PTPRD: variants seen among roughly 807,000 people sequenced by gnomAD.
PTPRD encodes the protein protein tyrosine phosphatase receptor type D, also known as receptor-type tyrosine-protein phosphatase delta.
A neutral mutation model predicts 214.5 loss-of-function variants in PTPRD; 34 were observed. The ratio of observed to expected loss-of-function variants is 0.16; its 90% CI spans 0.12 to 0.21. The LOEUF is 0.21. Among genes scored for constraint, PTPRD ranks in the 10% least tolerant of loss-of-function variants. The pLI, the probability that PTPRD is intolerant of heterozygous loss-of-function variation, is 1.00. For synonymous variants in PTPRD, 1,128 were observed against 845.7 expected (o/e 1.33, Z -5.79); for missense variants, 2,545 against 2,398.7 (o/e 1.06, Z -1.27).
intron 10 of PTPRD, among the ~76,000 whole-genome samples, chr9:9,073,412 T>C (rs924664495): frequency 6.6e-6 from 1 of 152,184 alleles, no homozygotes; most frequent in Non-Finnish European, 1.5e-5. Flanking sequence ...TCAATATGGC[T>C]AGATCATGGT....
At chr9:9,073,453 A>C (rs369685510) in intron 10 of PTPRD, among the ~76,000 whole-genome samples, 3 of 152,184 alleles carry the variant, frequency 2.0e-5, no homozygotes, top group East Asian at 1.9e-4. Flanking sequence ...ACTTGTGTAG[A>C]TGTTACTCTA....
chr9:8,734,420 G>A (rs970533395), intron 11 of PTPRD, among the ~76,000 whole-genome samples: 23 of 152,330 alleles, frequency 1.5e-4, no homozygotes, highest in African/African-American at 5.3e-4. Flanking sequence ...TGAAATGACA[G>A]GGCTAATTCA....
At chr9:8,551,208 C>T (rs2082011139) in intron 14 of PTPRD, among the ~76,000 whole-genome samples, 1 of 152,182 alleles carries the variant, frequency 6.6e-6, no homozygotes. Context: ...CCTCCGTAGG[C>T]ATTGGGCCCC....
intron 34 of PTPRD, among the ~76,000 whole-genome samples, chr9:8,444,422 C>T (rs1203464877): frequency 1.3e-5 from 2 of 152,052 alleles, no homozygotes; most frequent in East Asian, 1.9e-4. Context: ...TAAATAACTA[C>T]ATACACAAAT....
intron 2 of PTPRD, among the ~76,000 whole-genome samples, chr9:10,442,858 G>C (rs1158191766): frequency 6.6e-6 from 1 of 151,406 alleles, no homozygotes; most frequent in Non-Finnish European, 1.5e-5. Context: ...AAAATATACA[G>C]TATGGCAGCC....
At chr9:10,081,178 T>A (rs888423408) in intron 3 of PTPRD, among the ~76,000 whole-genome samples, 32 of 152,084 alleles carry the variant, frequency 2.1e-4, no homozygotes, top group South Asian at 4.1e-4. Flanking sequence ...ATTCTTAAAT[T>A]CACAGACATT....
chr9:9,822,054 T>C (rs767586416), intron 5 of PTPRD, among the ~76,000 whole-genome samples: 1 of 151,860 alleles, frequency 6.6e-6, no homozygotes, highest in Non-Finnish European at 1.5e-5. Flanking sequence ...AAAGGCATCA[T>C]GTCCAAAAAT....
At chr9:9,943,152 G>T (rs578055693) in intron 4 of PTPRD, among the ~76,000 whole-genome samples, 2 of 152,062 alleles carry the variant, frequency 1.3e-5, no homozygotes, top group South Asian at 2.1e-4. Context: ...AGACATATTA[G>T]ATCTGTTTTA....
At chr9:10,037,417 G>C (rs2097204817) in intron 3 of PTPRD, among the ~76,000 whole-genome samples, 1 of 151,948 alleles carries the variant, frequency 6.6e-6, no homozygotes, top group Non-Finnish European at 1.5e-5. Flanking sequence ...CCTTCCTCCT[G>C]TTGCGGCCAT....
chr9:10,132,565 T>C (rs534315264), intron 3 of PTPRD, among the ~76,000 whole-genome samples: 19 of 152,266 alleles, frequency 1.2e-4, no homozygotes, highest in East Asian at 1.2e-3. Flanking sequence ...TCAGTACACA[T>C]ACTTGGAGTG....
intron 2 of PTPRD, among the ~76,000 whole-genome samples, chr9:10,462,277 T>C (rs1390465669): frequency 6.6e-6 from 1 of 152,206 alleles, no homozygotes; most frequent in African/African-American, 2.4e-5. Flanking sequence ...GAAATATTTC[T>C]ATATGAATAT....
intron 8 of PTPRD, among the ~76,000 whole-genome samples, chr9:9,478,124 C>G (rs2095199709): frequency 8.5e-6 from 1 of 117,326 alleles, no homozygotes; most frequent in African/African-American, 2.9e-5. Context: ...ATGCGTAAAC[C>G]TTCTTTGGCC....
intron 14 of PTPRD, among the ~76,000 whole-genome samples, chr9:8,577,871 G>A (rs1021177643): frequency 6.6e-6 from 1 of 152,102 alleles, no homozygotes; most frequent in Non-Finnish European, 1.5e-5. Flanking sequence ...AGTTCAACAA[G>A]CCTTTCAGGT....
chr9:8,980,042 C>T (rs1045122555), intron 11 of PTPRD, among the ~76,000 whole-genome samples: 3 of 151,982 alleles, frequency 2.0e-5, no homozygotes, highest in African/African-American at 7.2e-5. Context: ...GAATATTATT[C>T]AGCCTCAAAA....
chr9:10,442,470 T>G (rs2098766463), intron 2 of PTPRD, among the ~76,000 whole-genome samples: 1 of 151,596 alleles, frequency 6.6e-6, no homozygotes, highest in Non-Finnish European at 1.5e-5. Context: ...TGTGGAGGCA[T>G]AGAGAAGGGG....
chr9:9,188,540 T>G (rs987586464), intron 9 of PTPRD, among the ~76,000 whole-genome samples: 2 of 152,100 alleles, frequency 1.3e-5, no homozygotes, highest in African/African-American at 4.8e-5. Flanking sequence ...TTATTTGCTT[T>G]GAAAGTCTAA....
intron 8 of PTPRD, among the ~76,000 whole-genome samples, chr9:9,514,184 T>A (rs1343248340): frequency 6.6e-6 from 1 of 152,040 alleles, no homozygotes; most frequent in African/African-American, 2.4e-5. Context: ...TAGGAAGGAA[T>A]TTTTTCTCCC....
At chr9:9,259,947 G>T (rs923151160) in intron 9 of PTPRD, among the ~76,000 whole-genome samples, 1 of 151,836 alleles carries the variant, frequency 6.6e-6, no homozygotes, top group Non-Finnish European at 1.5e-5. Context: ...GGCCTTAGCT[G>T]GACAATGCTT....
Position 9,564,487 on chromosome 9 carries a change from C to T in PTPRD, c.-237+10245G>A, listed in dbSNP as rs537841274. On this transcript the variant is annotated intron_variant, in intron 8 of 45. Transcript: ENST00000381196. The stretch of plus-strand genomic sequence containing the variant: ...GACTCCACATTAGATCAACTAAATT[C>T]GAATTTCTTAGGCTGAGGTTCGTGA... Among the ~76,000 whole-genome samples the T allele has an allele frequency of 8.5e-5, 13 of 152,110 alleles. No homozygotes were observed. The South Asian group carries it at 1.5e-3, about 17-fold the overall frequency.
Sources: gnomAD v4.1 joint callset for allele counts (sites outside exome capture counted in the v4.1 genomes callset) on GRCh38, gnomAD v4.1.1 for gene constraint, MANE v1.5 for transcripts, NCBI Gene and HGNC (gene_info 2026-07-23, HGNC 2026-07-21) for gene names.